CAMTA1: variants seen among roughly 807,000 people sequenced by gnomAD.
The protein encoded by CAMTA1 is calmodulin-binding transcription activator 1.
In CAMTA1, 27 loss-of-function variants were observed where a neutral mutation model predicts 170.9. That is an observed-to-expected ratio of 0.16 (90% CI 0.12 to 0.22). The LOEUF is 0.22. Ranked by LOEUF, CAMTA1 falls within the 10% of genes least tolerant of loss-of-function variation. CAMTA1 has a pLI of 1.00. For missense variants in CAMTA1, 1,619 were observed against 2,217.2 expected, an observed-to-expected ratio of 0.73 and a Z score of 5.42; for synonymous variants, 833 against 891.5, an observed-to-expected ratio of 0.93 and a Z score of 1.17.
intron 4 of CAMTA1, among the ~76,000 whole-genome samples, chr1:7,220,883 G>A (rs942918566): frequency 6.6e-6 from 1 of 152,210 alleles, no homozygotes; most frequent in African/African-American, 2.4e-5. Context: ...GACATATGGG[G>A]AGCGATCTCC....
In CAMTA1 at chr1:7,746,041, G is replaced by C; in HGVS notation, c.4567G>C (p.Glu1523Gln). ...CACTCTGTCTGATCATGAACAGAGA[G>C]AACTCTATGAGGCTGCCAGGCTTGT... ...QLTLSDHEQRELYEAARLVQT... is the reference protein window; with the variant it reads ...QLTLSDHEQRQLYEAARLVQT... Residue 1523 changes from glutamate to glutamine, a missense_variant, in exon 18 of 23, where the codon GAA (glutamate) becomes CAA (glutamine). Coordinates refer to ENST00000303635, the MANE Select transcript of CAMTA1 (RefSeq NM_015215.4). 1 of 1,614,244 alleles carries C rather than the reference G, an allele frequency of 6.2e-7. No homozygotes were observed. The highest frequency in any genetic ancestry group is 8.5e-7 in the Non-Finnish European group (1 of 1,180,052).
intron 3 of CAMTA1, among the ~76,000 whole-genome samples, chr1:6,967,853 TTC>T (rs1239224605): frequency 6.6e-6 from 1 of 152,202 alleles, no homozygotes; most frequent in Non-Finnish European, 1.5e-5. Flanking sequence ...GTCCTATTTT[TTC>T]TCTTCCAGAA....
At chr1:7,604,041 C>T (rs2095467209) in intron 6 of CAMTA1, among the ~76,000 whole-genome samples, 1 of 152,196 alleles carries the variant, frequency 6.6e-6, no homozygotes, top group East Asian at 1.9e-4. Context: ...AGAGTTTCTG[C>T]TGAGAGATCC....
intron 4 of CAMTA1, among the ~76,000 whole-genome samples, chr1:7,214,731 GTTAAGT>G (rs964449866): frequency 6.6e-6 from 1 of 152,012 alleles, no homozygotes; most frequent in Non-Finnish European, 1.5e-5. Context: ...TGCTTTAGGT[GTTAAGT>G]TTAAGAACCC....
intron 4 of CAMTA1, among the ~76,000 whole-genome samples, chr1:7,161,652 T>C (rs944839725): frequency 6.6e-6 from 1 of 152,230 alleles, no homozygotes; most frequent in Non-Finnish European, 1.5e-5. Context: ...CCTTCTGTCA[T>C]GATTGTGAGG....
At chr1:7,057,875 G>C (rs1438086551) in intron 3 of CAMTA1, among the ~76,000 whole-genome samples, 3 of 152,202 alleles carry the variant, frequency 2.0e-5, no homozygotes, top group Admixed American at 1.3e-4. Flanking sequence ...GCCACAGCTG[G>C]TAAGGAGACT....
intron 1 of CAMTA1, among the ~76,000 whole-genome samples, chr1:6,806,703 A>T (rs569014324): frequency 1.3e-5 from 2 of 152,266 alleles, no homozygotes; most frequent in African/African-American, 4.8e-5. Context: ...AAGTTTGCTG[A>T]TACCTTGCAT....
chr1:6,827,430 T>A (rs1189122487), intron 3 of CAMTA1, among the ~76,000 whole-genome samples: 4 of 152,248 alleles, frequency 2.6e-5, no homozygotes, highest in Non-Finnish European at 5.9e-5. Flanking sequence ...TTTCTTGTTT[T>A]ATTTTTTGGC....
Position 7,635,541 on chromosome 1 carries a change from G to A in CAMTA1, c.511-4859G>A, listed in dbSNP as rs564790773. Among the ~76,000 whole-genome samples the A allele has an allele frequency of 1.0e-3, 154 of 151,818 alleles. No individual in the cohort carries two copies. Among genetic ancestry groups the A allele is most frequent in the Non-Finnish European group, 1.6e-3 (112 of 67,894 alleles). On this transcript the variant is annotated intron_variant, in intron 6 of 22. Transcript: ENST00000303635. The surrounding 1 kb of genome is among the most constrained non-coding windows in gnomAD (Gnocchi z 4.4). Reference sequence around the variant, plus strand: ...GGAGAATGGCGTGAACCCGGGAGGCGGAGGTTGCAGTGAGCCGAGATCGCG... The same window carrying A: ...GGAGAATGGCGTGAACCCGGGAGGCAGAGGTTGCAGTGAGCCGAGATCGCG...
rs930868699 is a variant in CAMTA1, at chr1:6,963,441, G to C, written c.235-127863G>C. On this transcript the variant is annotated intron_variant, in intron 3 of 22. Coordinates refer to ENST00000303635, the MANE Select transcript of CAMTA1 (RefSeq NM_015215.4). Reference sequence around the variant, plus strand: ...AAGCTCCCGCCTGGCGCCCCGCAGCGGCAAGCGTGATTTATAGGCCGTCTG... The same window carrying C: ...AAGCTCCCGCCTGGCGCCCCGCAGCCGCAAGCGTGATTTATAGGCCGTCTG... 4.6e-5 allele frequency among the ~76,000 whole-genome samples: 7 copies of C among 151,954 alleles called. No homozygotes were observed. In the South Asian group the frequency reaches 1.5e-3, roughly 32 times the overall value.
At chr1:7,162,845 A>G (rs1647503098) in intron 4 of CAMTA1, among the ~76,000 whole-genome samples, 1 of 152,156 alleles carries the variant, frequency 6.6e-6, no homozygotes, top group Non-Finnish European at 1.5e-5. Context: ...TTGCTGAGCC[A>G]TGTGGTGACT....
At chr1:7,012,274 C>G (rs562277115) in intron 3 of CAMTA1, among the ~76,000 whole-genome samples, 7 of 152,304 alleles carry the variant, frequency 4.6e-5, no homozygotes, top group African/African-American at 1.7e-4. Flanking sequence ...CTCCCGCCCT[C>G]TCTCTTAGCT....
rs762907062 is a variant in CAMTA1, at chr1:6,934,865, A to G, written c.234+109655A>G. Among the ~76,000 whole-genome samples the G allele has an allele frequency of 6.6e-6, 1 of 152,174 alleles. No homozygotes were observed. The highest frequency in any genetic ancestry group is 1.5e-5 in the Non-Finnish European group (1 of 68,038). On this transcript the variant is annotated intron_variant, in intron 3 of 22. Coordinates refer to ENST00000303635, the MANE Select transcript of CAMTA1 (RefSeq NM_015215.4). The surrounding 1 kb of genome is among the most constrained non-coding windows in gnomAD (Gnocchi z 4.5). ...CTTGAGGCTTCCCCTGGGGAGAAGG[A>G]GCTGTTAAACTGTCAAAATAAAAAG...
At chr1:7,684,192 T>C (rs577009580) in intron 11 of CAMTA1, among the ~76,000 whole-genome samples, 1 of 152,344 alleles carries the variant, frequency 6.6e-6, no homozygotes, top group Admixed American at 6.5e-5. Context: ...CACCCTGTCC[T>C]GGCCGTTGGG....
intron 6 of CAMTA1, among the ~76,000 whole-genome samples, chr1:7,553,607 A>G (rs1170740883): frequency 2.0e-5 from 3 of 152,260 alleles, no homozygotes; most frequent in African/African-American, 7.2e-5. Context: ...GTGACTGCAC[A>G]GATTTCCTGG....
intron 6 of CAMTA1, among the ~76,000 whole-genome samples, chr1:7,639,569 T>C (rs2095744324): frequency 6.6e-6 from 1 of 151,850 alleles, no homozygotes; most frequent in Admixed American, 6.6e-5. Context: ...ACCCAGGAGT[T>C]CAAGACCAGC....
Position 7,681,311 on chromosome 1 carries a change from A to G in CAMTA1, c.2914+3578A>G, listed in dbSNP as rs972287562. ...AGGGACTGTCAAAAAGCTGAATCCA[A>G]CTAGTGGTAAGGAAGGTTTCACAGA... is the stretch of plus-strand genomic sequence containing the variant. On this transcript the variant is annotated intron_variant, in intron 11 of 22. Coordinates refer to ENST00000303635, the MANE Select transcript of CAMTA1 (RefSeq NM_015215.4). This position sits in a 1 kb window ranked among gnomAD's most constrained non-coding sequence, Gnocchi z 4.6. Among the ~76,000 whole-genome samples the G allele has an allele frequency of 3.3e-5, 5 of 152,200 alleles. No individual in the cohort carries two copies. Among genetic ancestry groups the G allele is most frequent in the Non-Finnish European group, 1.5e-5 (1 of 68,028 alleles).
At chr1:7,204,435 G>A (rs1191612373) in intron 4 of CAMTA1, among the ~76,000 whole-genome samples, 1 of 152,090 alleles carries the variant, frequency 6.6e-6, no homozygotes, top group Non-Finnish European at 1.5e-5. Flanking sequence ...ATGTAAGAAT[G>A]TGTTGTTTAA....
chr1:7,638,470 G>A (rs995748891), intron 6 of CAMTA1, among the ~76,000 whole-genome samples: 24 of 152,072 alleles, frequency 1.6e-4, no homozygotes, highest in African/African-American at 4.6e-4. Flanking sequence ...GTGAAACCCC[G>A]TCTCTACTAA....
Sources: gnomAD v4.1 joint callset for allele counts (sites outside exome capture counted in the v4.1 genomes callset) on GRCh38, gnomAD v4.1.1 for gene constraint, Gnocchi (gnomAD v3.1) non-coding constraint, MANE v1.5 for transcripts, NCBI Gene and HGNC (gene_info 2026-07-23, HGNC 2026-07-21) for gene names.